FLNA: variants seen among roughly 807,000 people sequenced by gnomAD.
The protein encoded by FLNA is filamin A.
In FLNA, 7 loss-of-function variants were observed where a neutral mutation model predicts 157.6. The ratio of observed to expected loss-of-function variants is 0.04; its 90% CI spans 0.03 to 0.08. The LOEUF (loss-of-function observed/expected upper bound fraction) is 0.08. Ranked by LOEUF, FLNA falls within the 10% of genes least tolerant of loss-of-function variation. FLNA has a pLI of 1.00. For synonymous variants in FLNA, 1,103 were observed against 1,060.8 expected (o/e 1.04, Z -0.77); for missense variants, 1,750 against 2,398.4 (o/e 0.73, Z 5.65).
In FLNA at chrX:154,367,287, C is replaced by T. The variant is rs1392479354; in HGVS notation, c.868+110G>A. The T allele has an allele frequency of 7.9e-6, 7 of 888,659 alleles. No homozygotes were observed. The African/African-American group carries it at 1.4e-4, about 18-fold the overall frequency. The allele number at this position is 888,659 out of a possible 1,213,427, so 73.2% of individuals were successfully genotyped here. ...GTCTGACTCTTGGGTGGCTTGATCA[C>T]CTAGCCGCCATGTAACCCAAGACCC... On this transcript the variant is annotated intron_variant, in intron 5 of 47. Transcript: ENST00000369850.
intron 1 of FLNA, among the ~76,000 whole-genome samples, chrX:154,371,700 T>G (rs2148122765): frequency 8.9e-6 from 1 of 112,986 alleles, no homozygotes; most frequent in Non-Finnish European, 1.9e-5. Flanking sequence ...GGGACTTTCC[T>G]TCCCCAGGGC....
In FLNA at chrX:154,370,970, C is replaced by T. The variant is rs1181902266; in HGVS notation, c.276G>A (p.Lys92=). The T allele has an allele frequency of 2.5e-6, 3 of 1,210,992 alleles. No individual in the cohort carries two copies. Among genetic ancestry groups the T allele is most frequent in the Non-Finnish European group, 2.2e-6 (2 of 894,933 alleles). Residue 92 remains lysine (K), a synonymous_variant, in exon 2 of 48, where the codon AAG becomes AAA. Coordinates refer to ENST00000369850, the MANE Select transcript of FLNA (RefSeq NM_001110556.2). The stretch of plus-strand genomic sequence containing the variant: ...GGCGGAAAGTGGGCCGCTGGTTGTG[C>T]TTGCGGTGCATCTTCTTCTGGCTGA... ...EVLSQKKMHR[K]HNQRPTFRQM...
chrX:154,358,068 A>C (rs1256700693), intron 28 of FLNA, 131 bp downstream of exon 28: 1 of 772,821 alleles, frequency 1.3e-6, no homozygotes, highest in African/African-American at 2.1e-5. Context: ...TTAGCAAACC[A>C]AAGACAGGGG....
chrX:154,357,566 T>C lies in FLNA; in HGVS notation c.4813A>G (p.Thr1605Ala). 1 of 1,211,216 alleles carries C rather than the reference T, an allele frequency of 8.3e-7. No individual in the cohort carries two copies. The highest frequency in any genetic ancestry group is 1.1e-6 in the Non-Finnish European group (1 of 894,678). The change falls in exon 29 of 48, where the codon ACA (threonine) becomes GCA (alanine). Residue 1605 changes from threonine (T) to alanine (A), a missense_variant. By Grantham distance (58) the Thr-to-Ala change is moderately conservative (BLOSUM62 0). Around this residue, in one of 5 missense-constraint regions of FLNA, gnomAD observed 970 missense variants for 1,302.6 expected, o/e 0.74. Coordinates refer to ENST00000369850, the MANE Select transcript of FLNA (RefSeq NM_001110556.2). ...HIQDNHDGTY[T>A]VAYVPDVTGR... Reference sequence around the variant, plus strand: ...GTCACGTCTGGCACGTAGGCCACTGTATACGTGCCGTCATGGTTGTCTTGG... The same window carrying C: ...GTCACGTCTGGCACGTAGGCCACTGCATACGTGCCGTCATGGTTGTCTTGG...
chrX:154,357,240 A>G lies in FLNA; in HGVS notation c.4969+11T>C, dbSNP rs1196387549. 7 of 1,208,005 alleles carry G rather than the reference A, an allele frequency of 5.8e-6. No individual in the cohort carries two copies. Among genetic ancestry groups the G allele is most frequent in the Non-Finnish European group, 7.8e-6 (7 of 893,587 alleles). Reference sequence around the variant, plus strand: ...GAGGGGCATTGGGAGTGGCCCCAGCAAGCAGCTTACCTAGCCCGTGACCTC... The same window carrying G: ...GAGGGGCATTGGGAGTGGCCCCAGCGAGCAGCTTACCTAGCCCGTGACCTC... On this transcript the variant is annotated intron_variant, in intron 30 of 47. Transcript: ENST00000369850.
At chrX:154,369,465 C>T (rs1242064135) in intron 2 of FLNA, among the ~76,000 whole-genome samples, 1 of 112,443 alleles carries the variant, frequency 8.9e-6, no homozygotes, top group East Asian at 2.8e-4. Context: ...GGACCAGGGC[C>T]CAGGGCTGGG....
chrX:154,352,338 G>C lies in FLNA; in HGVS notation c.6612C>G (p.Pro2204=). 1 of 1,212,161 alleles carries C rather than the reference G, an allele frequency of 8.2e-7. No individual in the cohort carries two copies. ...TGACTGTGTGTGTGCCCATCTCAGCGGGAACAAAGCGGATGCAGTAGGTGT... is the reference window on the plus strand; with the variant it reads ...TGACTGTGTGTGTGCCCATCTCAGCCGGAACAAAGCGGATGCAGTAGGTGT... ...ENHTYCIRFV[P]AEMGTHTVSV... is the part of the protein sequence containing the mutation. The change falls in exon 41 of 48, where the codon CCC becomes CCG. Residue 2204 remains proline, a synonymous_variant. Transcript: ENST00000369850.
intron 24 of FLNA, 32 bp from the exon 25 acceptor site, chrX:154,359,438 G>A (rs2067687431): frequency 3.3e-6 from 4 of 1,210,562 alleles, no homozygotes; most frequent in Middle Eastern, 2.3e-4. Context: ...TCATTCCTGG[G>A]GTTCCCAGGC....
At chrX:154,356,470 C>T (rs1437487998) in intron 30 of FLNA, among the ~76,000 whole-genome samples, 2 of 112,148 alleles carry the variant, frequency 1.8e-5, no homozygotes, top group Non-Finnish European at 3.8e-5. Flanking sequence ...CTACGGCCTG[C>T]TCTATAAAGC....
At chrX:154,361,648 G>A (rs1557178068) in intron 20 of FLNA, 22 bp downstream of exon 20, 19 of 1,200,719 alleles carry the variant, frequency 1.6e-5, no homozygotes, top group Middle Eastern at 2.3e-4. Flanking sequence ...AGGCCTTTGC[G>A]ACAAGGGCCC....
At position 154,348,617 on chromosome X, in the gene FLNA, A is replaced by T; in HGVS notation, c.*232T>A. On this transcript the variant is annotated 3_prime_UTR_variant, in exon 48 of 48. Coordinates refer to ENST00000369850, the MANE Select transcript of FLNA (RefSeq NM_001110556.2). Reference sequence around the variant, plus strand: ...AGGACCCCCATCCCTCACCCCTCCCAGAACCAAAGAAGACAAGCAGCGCCA... The same window carrying T: ...AGGACCCCCATCCCTCACCCCTCCCTGAACCAAAGAAGACAAGCAGCGCCA... The T allele has an allele frequency of 2.6e-6, 1 of 391,947 alleles. No homozygotes were observed. Among genetic ancestry groups the T allele is most frequent in the Non-Finnish European group, 4.4e-6 (1 of 227,591 alleles). 32.3% of individuals were successfully genotyped at this position (391,947 alleles called of 1,213,427 possible). A position where few individuals can be genotyped will look rare whatever the true frequency, so the allele number is the denominator to read the frequency against.
chrX:154,351,313 C>T, intron 43 of FLNA: 1 of 440,398 alleles, frequency 2.3e-6, no homozygotes, highest in East Asian at 3.7e-5. Context: ...GGCAGGCTGT[C>T]CCTCTTTAAA....
chrX:154,362,987 C>T (rs973103665), intron 15 of FLNA, among the ~76,000 whole-genome samples: 3 of 112,757 alleles, frequency 2.7e-5, no homozygotes, highest in East Asian at 5.5e-4. Context: ...CAAATGTCCA[C>T]GCAAACACCT....
intron 1 of FLNA, among the ~76,000 whole-genome samples, chrX:154,373,535 C>T (rs1302761913): frequency 1.8e-5 from 2 of 112,497 alleles, no homozygotes; most frequent in Admixed American, 9.4e-5. Flanking sequence ...CATATTTTCC[C>T]TTATTTGGAG....
chrX:154,355,675 G>A (rs1421341071), intron 30 of FLNA, among the ~76,000 whole-genome samples: 3 of 113,277 alleles, frequency 2.6e-5, no homozygotes, highest in Non-Finnish European at 5.6e-5. Flanking sequence ...GAGTAGCGCA[G>A]CGCAGCAGGC....
chrX:154,362,195 T>G, intron 18 of FLNA, 47 bp from the exon 19 acceptor site: 1 of 1,208,323 alleles, frequency 8.3e-7, no homozygotes, highest in South Asian at 1.8e-5. Flanking sequence ...CCCCAAGCCC[T>G]CCTACCCTTG....
Position 154,350,991 on chromosome X carries a change from G to A in FLNA, c.7074C>T (p.Asn2358=), listed in dbSNP as rs35390129. 59 of 1,209,819 alleles carry A rather than the reference G, an allele frequency of 4.9e-5. No individual in the cohort carries two copies. The highest frequency in any genetic ancestry group is 6.4e-5 in the Non-Finnish European group (57 of 894,587). Residue 2358 remains asparagine (N), a synonymous_variant, in exon 44 of 48, where the codon AAC becomes AAT. Coordinates refer to ENST00000369850, the MANE Select transcript of FLNA (RefSeq NM_001110556.2). ...TGGCATCGATCGCCCCCTTGGCCCC[G>A]TTCAGGCTGACTGCAAAAGAGGCTG... ...NQPASFAVSL[N]GAKGAIDAKV...
rs1247682661 is a variant in FLNA at position 154,352,443 on chromosome X, A to G, written c.6507T>C (p.Ile2169=). ...HCDLSLKIPE[I]SIQDMTAQVT... ...CCTGGGCTGTCATATCCTGGATGCT[A>G]ATTTCTGCAGGGTGGGGATGGGCTA... Residue 2169 remains isoleucine, a synonymous_variant, in exon 41 of 48, where the codon ATT becomes ATC. Transcript: ENST00000369850. 3.3e-6 allele frequency: 4 copies of G among 1,210,205 alleles called. No homozygotes were observed. In the Admixed American group the frequency reaches 8.7e-5, roughly 26 times the overall value.
In FLNA at chrX:154,357,642, G is replaced by A. The variant is rs2148109861; in HGVS notation, c.4756-19C>T. 8.3e-7 allele frequency: 1 copy of A among 1,203,598 alleles called. No homozygotes were observed. The highest frequency in any genetic ancestry group is 1.8e-5 in the South Asian group (1 of 56,369). On this transcript the variant is annotated intron_variant, in intron 28 of 47. Coordinates refer to ENST00000369850, the MANE Select transcript of FLNA (RefSeq NM_001110556.2). ...CGGGATCCTGTGTGGCAGAGGCAGG[G>A]GAGGCAGTTGGCCCAAGCCCGAGTA...
Sources: gnomAD v4.1 joint callset for allele counts (sites outside exome capture counted in the v4.1 genomes callset) on GRCh38, gnomAD v4.1.1 for gene constraint, gnomAD v4.1.1 regional missense constraint, MANE v1.5 for transcripts, NCBI Gene and HGNC (gene_info 2026-07-23, HGNC 2026-07-21) for gene names.